The following NRG3 variants were observed in gnomAD, a reference collection of about 807,000 sequenced individuals.
The protein encoded by NRG3 is neuregulin 3.
A neutral mutation model predicts 66.9 loss-of-function variants in NRG3; 31 were observed. The observed-to-expected ratio is 0.46, with a 90% confidence interval of 0.35 to 0.63. The LOEUF is 0.63. Ranked by LOEUF, NRG3 falls within the 20% of genes least tolerant of loss-of-function variation. The pLI, the probability that NRG3 is intolerant of heterozygous loss-of-function variation, is 0.00. For missense variants in NRG3, 910 were observed against 878.9 expected (o/e 1.04, Z -0.45); for synonymous variants, 393 against 359.4 (o/e 1.09, Z -1.06).
At chr10:82,310,995 CCCCTGATTACTGATGAGGTATTACT>C (rs879562108) in intron 1 of NRG3, among the ~76,000 whole-genome samples, 12,817 of 151,508 alleles carry the variant, frequency 0.085, 2,426 homozygotes, top group African/African-American at 0.25. Flanking sequence ...TCCAGCTCCT[CCCCTGATTACTGATGAGGTATTACT>C]CTCTGAGTTG....
chr10:82,773,978 A>G (rs955063821), intron 3 of NRG3, among the ~76,000 whole-genome samples: 5 of 152,160 alleles, frequency 3.3e-5, no homozygotes, highest in African/African-American at 1.2e-4. Flanking sequence ...TTTATTTTTC[A>G]TTCTGTTAAT....
chr10:82,875,388 T>C (rs1841720382), intron 4 of NRG3, among the ~76,000 whole-genome samples: 1 of 152,160 alleles, frequency 6.6e-6, no homozygotes, highest in Non-Finnish European at 1.5e-5. Context: ...GGCAGGGTCT[T>C]GCTCTATCAA....
chr10:82,170,568 G>A (rs894847714), intron 1 of NRG3, among the ~76,000 whole-genome samples: 8 of 149,112 alleles, frequency 5.4e-5, no homozygotes, highest in Admixed American at 2.0e-4. Context: ...GACCTTGGGC[G>A]AAGTCTCACT....
chr10:82,208,794 G>A (rs1266157032), intron 1 of NRG3, among the ~76,000 whole-genome samples: 1 of 152,018 alleles, frequency 6.6e-6, no homozygotes, highest in Non-Finnish European at 1.5e-5. Context: ...ACTAAAATAT[G>A]GCAACTGCTA....
chr10:82,037,157 C>G (rs779953550), intron 1 of NRG3, among the ~76,000 whole-genome samples: 2 of 152,174 alleles, frequency 1.3e-5, no homozygotes, highest in African/African-American at 2.4e-5. Context: ...ACAGACATCA[C>G]TTCTTCATCT....
intron 1 of NRG3, among the ~76,000 whole-genome samples, chr10:82,043,035 G>C (rs2133035583): frequency 6.6e-6 from 1 of 152,058 alleles, no homozygotes; most frequent in African/African-American, 2.4e-5. Flanking sequence ...TTTCATGCCT[G>C]CTCATTTAAA....
At chr10:82,163,385 T>C (rs11192759) in intron 1 of NRG3, among the ~76,000 whole-genome samples, 14,180 of 152,102 alleles carry the variant, frequency 0.093, 961 homozygotes, top group African/African-American at 0.18. Context: ...TATTTATCAG[T>C]CATATAAAAT....
intron 1 of NRG3, among the ~76,000 whole-genome samples, chr10:82,238,465 A>G (rs1589430637): frequency 6.6e-6 from 1 of 152,128 alleles, no homozygotes; most frequent in East Asian, 1.9e-4. Flanking sequence ...TCAAAGTCAC[A>G]TTGGTAGTAA....
intron 1 of NRG3, among the ~76,000 whole-genome samples, chr10:82,102,922 A>C (rs987893050): frequency 6.6e-6 from 1 of 152,084 alleles, no homozygotes; most frequent in Non-Finnish European, 1.5e-5. Context: ...TTCGATATTT[A>C]CCATTCTGTT....
chr10:82,599,657 T>C (rs1315904856), intron 2 of NRG3, among the ~76,000 whole-genome samples: 1 of 151,892 alleles, frequency 6.6e-6, no homozygotes, highest in African/African-American at 2.4e-5. Flanking sequence ...CTATTAAAAA[T>C]ACAAAAAATA....
intron 1 of NRG3, among the ~76,000 whole-genome samples, chr10:81,985,260 A>G (rs2060477044): frequency 6.6e-6 from 1 of 152,226 alleles, no homozygotes; most frequent in Non-Finnish European, 1.5e-5. Flanking sequence ...GTCTGTTTCC[A>G]GAGCTTGTTT....
At chr10:82,641,560 A>T (rs904659165) in intron 2 of NRG3, among the ~76,000 whole-genome samples, 1 of 152,144 alleles carries the variant, frequency 6.6e-6, no homozygotes, top group Non-Finnish European at 1.5e-5. Flanking sequence ...TTCATAACAG[A>T]TAGTAAGAAA....
At chr10:81,880,841 G>C (rs1259432819) in intron 1 of NRG3, among the ~76,000 whole-genome samples, 1 of 152,058 alleles carries the variant, frequency 6.6e-6, no homozygotes, top group East Asian at 1.9e-4. Context: ...TTTATCTTTA[G>C]ACTCGTGTGT....
At chr10:82,541,624 G>A (rs561233065) in intron 2 of NRG3, among the ~76,000 whole-genome samples, 4 of 152,198 alleles carry the variant, frequency 2.6e-5, no homozygotes, top group Non-Finnish European at 5.9e-5. Context: ...AACCAGTTAG[G>A]TCAGGGGTCC....
At chr10:82,757,171 G>T (rs945395669) in intron 3 of NRG3, among the ~76,000 whole-genome samples, 10 of 151,978 alleles carry the variant, frequency 6.6e-5, no homozygotes, top group African/African-American at 2.4e-4. Context: ...CACATAAAAT[G>T]AGCAAAAAAC....
chr10:82,395,054 G>A (rs148942137), intron 2 of NRG3, among the ~76,000 whole-genome samples: 1 of 152,254 alleles, frequency 6.6e-6, no homozygotes, highest in African/African-American at 2.4e-5. Context: ...TGGAAGTAGA[G>A]GCCTGAAATG....
At chr10:81,948,099 A>G (rs1289790677) in intron 1 of NRG3, among the ~76,000 whole-genome samples, 12 of 152,166 alleles carry the variant, frequency 7.9e-5, no homozygotes. Context: ...AAGTAACTGA[A>G]GCCTGTGGGC....
rs112393281 is a variant in NRG3 at position 82,500,330 on chromosome 10, C to T, written c.953+141462C>T. ...AGTGAAACCATATTAATCACATAAA[C>T]GTAAAAACCAGAATTAGCCTCTGAG... On this transcript the variant is annotated intron_variant, in intron 2 of 8. Coordinates refer to ENST00000372141, the MANE Select transcript of NRG3 (RefSeq NM_001010848.4). Among the ~76,000 whole-genome samples the T allele has an allele frequency of 2.7e-3, 406 of 152,250 alleles. 2 individuals are homozygous for T. Among genetic ancestry groups the T allele is most frequent in the African/African-American group, 9.1e-3 (380 of 41,554 alleles).
intron 2 of NRG3, among the ~76,000 whole-genome samples, chr10:82,362,553 T>TTG (rs1564840202): frequency 7.9e-6 from 1 of 126,214 alleles, no homozygotes; most frequent in African/African-American, 3.7e-5. Context: ...TCTGGGTTTT[T>TTG]TTTTTTTTTT....
Sources: gnomAD v4.1 joint callset for allele counts (sites outside exome capture counted in the v4.1 genomes callset) on GRCh38, gnomAD v4.1.1 for gene constraint, MANE v1.5 for transcripts, NCBI Gene and HGNC (gene_info 2026-07-23, HGNC 2026-07-21) for gene names.